The following INPP5F variants were observed in gnomAD, a reference collection of about 807,000 sequenced individuals.
INPP5F encodes the protein inositol polyphosphate-5-phosphatase F.
Under a neutral mutation model 137.2 loss-of-function variants are expected in INPP5F, and 97 were observed. The observed-to-expected ratio is 0.71, with a 90% CI of 0.60 to 0.84. INPP5F has a LOEUF of 0.84. Ranked by LOEUF, INPP5F falls within the 40% of genes least tolerant of loss-of-function variation. INPP5F has a pLI of 0.00. For missense variants in INPP5F, 1,271 were observed against 1,371.9 expected (o/e 0.93, Z 1.16); for synonymous variants, 504 against 476.9 (o/e 1.06, Z -0.74).
intron 1 of INPP5F, among the ~76,000 whole-genome samples, chr10:119,743,570 G>A (rs992953315): frequency 3.3e-5 from 5 of 150,352 alleles, no homozygotes; most frequent in African/African-American, 1.2e-4. Flanking sequence ...AGAATGAAGG[G>A]CAGGCAGAAG....
chr10:119,818,738 G>A (rs1851403523), intron 15 of INPP5F: 2 of 152,418 alleles, frequency 1.3e-5, no homozygotes, highest in African/African-American at 4.8e-5. Flanking sequence ...TTCGCTGCAG[G>A]CGCGAGGTTG....
chr10:119,795,580 C>T (rs946848944), intron 6 of INPP5F, among the ~76,000 whole-genome samples: 1 of 151,036 alleles, frequency 6.6e-6, no homozygotes, highest in Non-Finnish European at 1.5e-5. Context: ...CAGAGACGCT[C>T]CTCACTTTCC....
chr10:119,789,546 C>A (rs1000718077), intron 3 of INPP5F, among the ~76,000 whole-genome samples: 13 of 151,858 alleles, frequency 8.6e-5, no homozygotes, highest in African/African-American at 3.1e-4. Context: ...GTGAAAGCTC[C>A]AATGGCAGCT....
Position 119,792,042 on chromosome 10 carries a change from A to G in INPP5F, c.612+6A>G, listed in dbSNP as rs1054525062. The G allele has an allele frequency of 1.1e-5, 18 of 1,614,088 alleles. No individual in the cohort carries two copies. The highest frequency in any genetic ancestry group is 1.4e-5 in the Non-Finnish European group (16 of 1,180,026). On this transcript the variant is annotated splice_donor_region_variant and intron_variant, in intron 5 of 19. Coordinates refer to ENST00000650623, the MANE Select transcript of INPP5F (RefSeq NM_014937.4). ...GTCGGCCCCTCTGGCAGAAGGTACC[A>G]CTCACAGCTCGTAGAGCAGGGTTTG...
intron 2 of INPP5F, among the ~76,000 whole-genome samples, chr10:119,757,654 T>C (rs1312183137): frequency 2.6e-5 from 4 of 151,520 alleles, no homozygotes; most frequent in Admixed American, 2.0e-4. Context: ...AGCTGGACAC[T>C]GTGGCATGCG....
chr10:119,796,010 T>C (rs1850366210), intron 6 of INPP5F, among the ~76,000 whole-genome samples: 1 of 138,666 alleles, frequency 7.2e-6, no homozygotes, highest in Middle Eastern at 3.7e-3. Flanking sequence ...GAGGTTGCAG[T>C]GAGCCGAGAT....
intron 2 of INPP5F, among the ~76,000 whole-genome samples, chr10:119,776,674 G>GTGTA (rs1312156798): frequency 2.6e-5 from 4 of 151,698 alleles, no homozygotes; most frequent in Non-Finnish European, 5.9e-5. Flanking sequence ...GTGTGTGTGT[G>GTGTA]TGTATGTGTG....
rs59388357 is a variant in INPP5F at position 119,732,500 on chromosome 10, CTTTTTTT to C, written c.97+6152_97+6158del. 1.5e-3 allele frequency among the ~76,000 whole-genome samples: 175 copies of C among 115,568 alleles called. 4 individuals are homozygous for C. Among genetic ancestry groups the C allele is most frequent in the Admixed American group, 4.1e-3 (44 of 10,612 alleles). 75.8% of individuals were successfully genotyped at this position (115,568 alleles called of 152,430 possible). On this transcript the variant is annotated intron_variant, in intron 1 of 19. Coordinates refer to ENST00000650623, the MANE Select transcript of INPP5F (RefSeq NM_014937.4). The stretch of plus-strand genomic sequence containing the variant: ...TGAGCACTTTTCTTTTTTCTTTTTT[CTTTTTTT>C]TTTTTTTTTTGAGACGGAGTTTTAT...
chr10:119,795,564 G>A (rs1244937848), intron 6 of INPP5F, among the ~76,000 whole-genome samples: 5 of 151,704 alleles, frequency 3.3e-5, no homozygotes, highest in Non-Finnish European at 5.9e-5. Context: ...TGGGATGGCG[G>A]CCGGGCAGAG....
At chr10:119,743,926 T>G (rs1355475521) in intron 1 of INPP5F, among the ~76,000 whole-genome samples, 1 of 152,120 alleles carries the variant, frequency 6.6e-6, no homozygotes, top group Non-Finnish European at 1.5e-5. Context: ...TCTTGAGAGA[T>G]ATAAAAATAA....
intron 2 of INPP5F, among the ~76,000 whole-genome samples, chr10:119,763,156 A>T (rs1243478986): frequency 6.6e-6 from 1 of 152,240 alleles, no homozygotes; most frequent in Non-Finnish European, 1.5e-5. Context: ...AGTAAGTCCA[A>T]ACTATAAGAC....
intron 3 of INPP5F, among the ~76,000 whole-genome samples, chr10:119,788,249 C>T (rs1379999814): frequency 1.3e-5 from 2 of 152,026 alleles, no homozygotes; most frequent in Non-Finnish European, 2.9e-5. Context: ...GGGGAGACGT[C>T]ACATGCATCA....
chr10:119,821,339 T>TGC (rs1186211738), intron 16 of INPP5F, among the ~76,000 whole-genome samples: 4 of 117,406 alleles, frequency 3.4e-5, no homozygotes, highest in African/African-American at 3.2e-5. Context: ...TGCAATAACG[T>TGC]GTGTGTGTGT....
At chr10:119,737,353 A>C (rs959028719) in intron 1 of INPP5F, among the ~76,000 whole-genome samples, 2 of 152,220 alleles carry the variant, frequency 1.3e-5, no homozygotes, top group African/African-American at 4.8e-5. Flanking sequence ...TTACTAATAC[A>C]GGTCCTTCCC....
intron 1 of INPP5F, among the ~76,000 whole-genome samples, chr10:119,736,133 G>A (rs970082508): frequency 1.3e-5 from 2 of 152,144 alleles, no homozygotes; most frequent in Non-Finnish European, 2.9e-5. Context: ...GACAGTTTTG[G>A]GGACAGCAAA....
chr10:119,734,180 G>GT (rs2134102276), intron 1 of INPP5F, among the ~76,000 whole-genome samples: 1 of 152,190 alleles, frequency 6.6e-6, no homozygotes, highest in East Asian at 1.9e-4. Context: ...AGACATCTTT[G>GT]TTTTTTTCCA....
intron 19 of INPP5F, among the ~76,000 whole-genome samples, chr10:119,824,821 T>C (rs1195651228): frequency 6.6e-6 from 1 of 152,228 alleles, no homozygotes; most frequent in East Asian, 1.9e-4. Context: ...GTAAAGCCAC[T>C]GCACCCAGCC....
chr10:119,774,109 A>G (rs1849444539), intron 2 of INPP5F, among the ~76,000 whole-genome samples: 1 of 151,968 alleles, frequency 6.6e-6, no homozygotes, highest in Non-Finnish European at 1.5e-5. Context: ...TAAAAATAAA[A>G]AAATTAGCTA....
At chr10:119,798,411 TG>T (rs1169249935) in intron 8 of INPP5F, 131 bp from the exon 9 acceptor site, 6 of 598,430 alleles carry the variant, frequency 1.0e-5, no homozygotes, top group Non-Finnish European at 1.7e-5. Context: ...CATTTTTAAA[TG>T]ATGGTTTTAG....
Sources: gnomAD v4.1 joint callset for allele counts (sites outside exome capture counted in the v4.1 genomes callset) on GRCh38, gnomAD v4.1.1 for gene constraint, MANE v1.5 for transcripts, NCBI Gene and HGNC (gene_info 2026-07-23, HGNC 2026-07-21) for gene names.